Variants in WDFY3 observed in about 807,000 individuals in gnomAD.
WDFY3 encodes the protein WD repeat and FYVE domain-containing protein 3.
Under a neutral mutation model 409.6 loss-of-function variants are expected in WDFY3, and 66 were observed. The observed-to-expected ratio is 0.16, with a 90% confidence interval of 0.13 to 0.20. The LOEUF (loss-of-function observed/expected upper bound fraction) is 0.20. WDFY3 is among the 10% of genes least tolerant of loss of function. The pLI is 1.00. For synonymous variants in WDFY3, 1,521 were observed against 1,537.1 expected, an observed-to-expected ratio of 0.99 and a Z score of 0.25; for missense variants, 3,031 against 4,298.1, an observed-to-expected ratio of 0.71 and a Z score of 8.24.
At position 84,875,343 on chromosome 4, in the gene WDFY3, T is replaced by C. The variant is rs1762641932; in HGVS notation, c.-31-14721A>G. The stretch of plus-strand genomic sequence containing the variant: ...AAAAATACTGTAGAAAGATAAAAAA[T>C]GGTACACCTGCACAGAGCACTAGTT... On this transcript the variant is annotated intron_variant, in intron 3 of 67. Transcript: ENST00000295888. 4.2e-5 allele frequency among the ~76,000 whole-genome samples: 6 copies of C among 142,946 alleles called. No individual in the cohort carries two copies. The South Asian group carries it at 1.3e-3, about 32-fold the overall frequency. 93.8% of individuals were successfully genotyped at this position (142,946 alleles called of 152,430 possible).
chr4:84,772,236 A>G (rs1222838774), intron 30 of WDFY3, among the ~76,000 whole-genome samples: 1 of 152,218 alleles, frequency 6.6e-6, no homozygotes, highest in African/African-American at 2.4e-5. Context: ...CATTCCAAGC[A>G]ACTCTCCTGT....
chr4:84,928,156 T>C (rs1770255989), intron 2 of WDFY3, among the ~76,000 whole-genome samples: 1 of 152,196 alleles, frequency 6.6e-6, no homozygotes, highest in Non-Finnish European at 1.5e-5. Context: ...TGCCCTCTTT[T>C]CTGAAGCCAG....
intron 21 of WDFY3, among the ~76,000 whole-genome samples, chr4:84,792,580 T>C (rs1316792575): frequency 1.3e-5 from 2 of 152,206 alleles, no homozygotes; most frequent in African/African-American, 4.8e-5. Flanking sequence ...CCTAGGCATC[T>C]TAATGGGTTA....
intron 31 of WDFY3, 29 bp from the exon 32 acceptor site, chr4:84,766,056 A>C (rs1714470548): frequency 6.3e-7 from 1 of 1,585,318 alleles, no homozygotes; most frequent in South Asian, 1.2e-5. Flanking sequence ...TTTAAAAAAC[A>C]AAAAACAAAA....
chr4:84,695,128 G>A (rs575498318), intron 58 of WDFY3, among the ~76,000 whole-genome samples: 1 of 152,180 alleles, frequency 6.6e-6, no homozygotes, highest in East Asian at 1.9e-4. Flanking sequence ...TACTTCTGGT[G>A]CACCCAGCCC....
chr4:84,922,481 G>A (rs142693568), intron 2 of WDFY3, among the ~76,000 whole-genome samples: 2 of 152,308 alleles, frequency 1.3e-5, no homozygotes, highest in African/African-American at 4.8e-5. Flanking sequence ...TAAATTGTAA[G>A]TGTGAGTAGT....
chr4:84,868,950 T>G (rs1230536251), intron 3 of WDFY3, among the ~76,000 whole-genome samples: 1 of 152,230 alleles, frequency 6.6e-6, no homozygotes, highest in African/African-American at 2.4e-5. Flanking sequence ...GTTAAAATTT[T>G]GTATAAAAGA....
At chr4:84,681,840 T>C (rs1460800808) in intron 64 of WDFY3, among the ~76,000 whole-genome samples, 1 of 152,250 alleles carries the variant, frequency 6.6e-6, no homozygotes, top group Non-Finnish European at 1.5e-5. Flanking sequence ...TATATTTCAC[T>C]GAAAAATTTT....
In WDFY3 at chr4:84,794,410, T is replaced by C. The variant is rs997050184; in HGVS notation, c.3487+109A>G. ...GTTTTATGTAACTTGTTCTATGCTA[T>C]AATAATTTAAGCTGAAAAGTTATTA... On this transcript the variant is annotated intron_variant, in intron 21 of 67. Coordinates refer to ENST00000295888, the MANE Select transcript of WDFY3 (RefSeq NM_014991.6). 1.6e-4 allele frequency: 177 copies of C among 1,101,980 alleles called. 1 individual carries two copies. The highest frequency in any genetic ancestry group is 1.3e-3 in the South Asian group (79 of 62,802). 68.3% of individuals were successfully genotyped at this position (1,101,980 alleles called of 1,614,324 possible). A position where few individuals can be genotyped will look rare whatever the true frequency, so the allele number is the denominator to read the frequency against.
chr4:84,959,118 C>T (rs1204189645), intron 1 of WDFY3, among the ~76,000 whole-genome samples: 2 of 152,162 alleles, frequency 1.3e-5, no homozygotes, highest in African/African-American at 2.4e-5. Flanking sequence ...TATCACCCAG[C>T]ACTGTGCCTA....
intron 32 of WDFY3, among the ~76,000 whole-genome samples, chr4:84,759,384 T>C (rs1420111507): frequency 2.0e-5 from 3 of 152,120 alleles, no homozygotes; most frequent in Non-Finnish European, 4.4e-5. Context: ...AATCGATAAA[T>C]TACCTTGGGC....
chr4:84,740,700 C>T (rs758316829), intron 38 of WDFY3, among the ~76,000 whole-genome samples: 7 of 151,992 alleles, frequency 4.6e-5, no homozygotes, highest in Admixed American at 1.3e-4. Context: ...CCTGAGAACA[C>T]GAGGATGTGA....
At chr4:84,729,314 C>T (rs553922094) in intron 44 of WDFY3, among the ~76,000 whole-genome samples, 1 of 151,684 alleles carries the variant, frequency 6.6e-6, no homozygotes, top group East Asian at 1.9e-4. Context: ...TCAGCATATC[C>T]CAGGCTTACA....
chr4:84,704,252 TAGA>T, intron 55 of WDFY3, 83 bp downstream of exon 55: 1 of 1,001,258 alleles, frequency 1.0e-6, no homozygotes, highest in Non-Finnish European at 1.4e-6. Flanking sequence ...CTTCTTATAA[TAGA>T]AGATAATGAT....
rs199576062 is a variant in WDFY3 at position 84,678,980 on chromosome 4, G to A, written c.10086C>T (p.Gly3362=). ...GATTGGGGTGGGGGTGGCTAAGGGG[G>A]CCCTGCAGATGGGCTCTGGTCTGGC... ...SEGQTRAHLQ[G]PLSHPHPNPI... is the part of the protein sequence containing the mutation. Residue 3362 remains glycine (G), a synonymous_variant, in exon 65 of 68, where the codon GGC becomes GGT. Coordinates refer to ENST00000295888, the MANE Select transcript of WDFY3 (RefSeq NM_014991.6). The A allele has an allele frequency of 6.2e-6, 10 of 1,614,208 alleles. No individual in the cohort carries two copies. The highest frequency in any genetic ancestry group is 3.3e-5 in the Admixed American group (2 of 60,034).
intron 36 of WDFY3, chr4:84,751,119 A>G (rs1047879907): frequency 1.4e-5 from 4 of 282,424 alleles, no homozygotes; most frequent in Non-Finnish European, 2.7e-5. Context: ...TGCCATGCTC[A>G]TTCTCTTACG....
intron 64 of WDFY3, among the ~76,000 whole-genome samples, chr4:84,679,687 A>C (rs144375370): frequency 4.7e-4 from 71 of 152,176 alleles, no homozygotes; most frequent in African/African-American, 1.5e-3. Context: ...GGGACAGCTT[A>C]AACATTCTTG....
chr4:84,941,137 A>G (rs186698707), intron 1 of WDFY3, among the ~76,000 whole-genome samples: 62 of 152,128 alleles, frequency 4.1e-4, no homozygotes, highest in Non-Finnish European at 7.1e-4. Flanking sequence ...ATAAGGCATG[A>G]AAAATAAATA....
chr4:84,691,947 C>A (rs570044168), intron 59 of WDFY3, among the ~76,000 whole-genome samples, 162 bp from the exon 60 acceptor site: 1 of 152,218 alleles, frequency 6.6e-6, no homozygotes, highest in African/African-American at 2.4e-5. Context: ...GAATCTCCTA[C>A]AAGACCTGCT....
Sources: gnomAD v4.1 joint callset for allele counts (sites outside exome capture counted in the v4.1 genomes callset) on GRCh38, gnomAD v4.1.1 for gene constraint, MANE v1.5 for transcripts, NCBI Gene and HGNC (gene_info 2026-07-23, HGNC 2026-07-21) for gene names.